The following RALYL variants were observed in gnomAD, a reference collection of about 807,000 sequenced individuals.
RALYL encodes the protein RALY RNA binding protein like, also known as RNA-binding Raly-like protein.
In RALYL, 29 loss-of-function variants were observed where a neutral mutation model predicts 35.1. That is an observed-to-expected ratio of 0.83 (90% confidence interval 0.61 to 1.13). The LOEUF is 1.13. Ranked by LOEUF, RALYL falls within the 50% of genes most tolerant of loss-of-function variation. The pLI is 0.00. For missense variants in RALYL, 359 were observed against 360.4 expected, an observed-to-expected ratio of 1.00 and a Z score of 0.03; for synonymous variants, 120 against 127.6, an observed-to-expected ratio of 0.94 and a Z score of 0.40.
chr8:84,822,961 A>G (rs1376784233), intron 4 of RALYL, among the ~76,000 whole-genome samples: 2 of 152,148 alleles, frequency 1.3e-5, no homozygotes, highest in Non-Finnish European at 2.9e-5. Context: ...ATATTGGTAG[A>G]TGCAAAGCAA....
chr8:84,656,118 TG>T (rs1283640174), intron 2 of RALYL, among the ~76,000 whole-genome samples: 5 of 152,180 alleles, frequency 3.3e-5, no homozygotes, highest in Non-Finnish European at 7.3e-5. Context: ...TGTTTTGTTT[TG>T]TTTTTATATG....
chr8:84,275,417 A>G (rs1355247491), intron 1 of RALYL, among the ~76,000 whole-genome samples: 3 of 151,920 alleles, frequency 2.0e-5, no homozygotes, highest in Admixed American at 1.3e-4. Context: ...CTTTTTTGTT[A>G]CTGCATTTTT....
chr8:84,773,721 T>C (rs1563572185), intron 2 of RALYL, among the ~76,000 whole-genome samples: 2 of 152,184 alleles, frequency 1.3e-5, no homozygotes, highest in African/African-American at 4.8e-5. Flanking sequence ...CTGAGTGCAT[T>C]TTGTTGCTCC....
chr8:84,765,760 A>G (rs1417869446), intron 2 of RALYL, among the ~76,000 whole-genome samples: 1 of 152,108 alleles, frequency 6.6e-6, no homozygotes, highest in African/African-American at 2.4e-5. Flanking sequence ...TGTGAACAGT[A>G]AAAGAGACAG....
chr8:84,502,540 A>G (rs949427434), intron 1 of RALYL, among the ~76,000 whole-genome samples: 1 of 152,130 alleles, frequency 6.6e-6, no homozygotes. Flanking sequence ...AGATAAACCT[A>G]TAAAAAATAG....
chr8:84,756,053 T>G (rs1490514243), intron 2 of RALYL, among the ~76,000 whole-genome samples: 1 of 152,110 alleles, frequency 6.6e-6, no homozygotes, highest in African/African-American at 2.4e-5. Context: ...CAACCTACAT[T>G]TTTTTGAATT....
intron 2 of RALYL, among the ~76,000 whole-genome samples, chr8:84,632,825 T>C (rs1824218053): frequency 6.6e-6 from 1 of 151,988 alleles, no homozygotes; most frequent in African/African-American, 2.4e-5. Flanking sequence ...ATACAGTGTT[T>C]TCATTTCAGC....
intron 1 of RALYL, among the ~76,000 whole-genome samples, chr8:84,272,301 C>T (rs1389365903): frequency 1.3e-5 from 2 of 151,980 alleles, no homozygotes; most frequent in East Asian, 3.9e-4. Context: ...ATCATGTTGG[C>T]CAGGCTGGTC....
At position 84,794,393 on chromosome 8, in the gene RALYL, C is replaced by T. The variant is rs1324730304; in HGVS notation, c.333-10377C>T. ...CAGGCTGCACTCTTGACAGAAGGCA[C>T]AGTTTCTCTGTAGGATTTAACAGCC... On this transcript the variant is annotated intron_variant, in intron 3 of 8. Transcript: ENST00000521268. Among the ~76,000 whole-genome samples the T allele has an allele frequency of 3.9e-5, 6 of 152,170 alleles. No homozygotes were observed. In the East Asian group the frequency reaches 1.2e-3, roughly 29 times the overall value.
intron 1 of RALYL, among the ~76,000 whole-genome samples, chr8:84,311,090 A>AAAAAAAAAAAAAAAAAAAAAATAT (rs1554614840): frequency 1.0e-5 from 1 of 99,720 alleles, no homozygotes; most frequent in African/African-American, 3.6e-5. Context: ...AAAAAAAAAA[A>AAAAAAAAAAAAAAAAAAAAAATAT]ATGTATATTA....
At chr8:84,476,433 A>C (rs1187441521) in intron 1 of RALYL, among the ~76,000 whole-genome samples, 2 of 152,182 alleles carry the variant, frequency 1.3e-5, no homozygotes, top group African/African-American at 4.8e-5. Flanking sequence ...CATGCAAGGT[A>C]AAGTATTTTA....
intron 1 of RALYL, among the ~76,000 whole-genome samples, chr8:84,371,184 G>C (rs552065897): frequency 6.6e-6 from 1 of 151,972 alleles, no homozygotes; most frequent in Non-Finnish European, 1.5e-5. Context: ...ACTCTGTCAA[G>C]ACCTGAGCTA....
intron 2 of RALYL, among the ~76,000 whole-genome samples, chr8:84,713,329 A>G (rs1235705906): frequency 6.6e-6 from 1 of 151,960 alleles, no homozygotes; most frequent in Non-Finnish European, 1.5e-5. Context: ...CTCTTCATGT[A>G]TTTTTAATAT....
intron 1 of RALYL, among the ~76,000 whole-genome samples, chr8:84,469,312 T>C (rs1435293795): frequency 6.6e-6 from 1 of 152,040 alleles, no homozygotes; most frequent in Non-Finnish European, 1.5e-5. Flanking sequence ...GATGTACAGA[T>C]GGGTTTTTGG....
At chr8:84,314,652 A>G (rs1240650366) in intron 1 of RALYL, among the ~76,000 whole-genome samples, 1 of 152,094 alleles carries the variant, frequency 6.6e-6, no homozygotes, top group African/African-American at 2.4e-5. Context: ...CCTGAGCCCT[A>G]GAGTTTGAGG....
chr8:84,445,999 A>G (rs2048811904), intron 1 of RALYL, among the ~76,000 whole-genome samples: 1 of 151,954 alleles, frequency 6.6e-6, no homozygotes, highest in South Asian at 2.1e-4. Flanking sequence ...TCAAATTTAT[A>G]TTGAAAATAT....
At chr8:84,880,781 A>T (rs1842052054) in intron 7 of RALYL, among the ~76,000 whole-genome samples, 1 of 151,888 alleles carries the variant, frequency 6.6e-6, no homozygotes, top group African/African-American at 2.4e-5. Context: ...CCCCCTAAAA[A>T]TCACCTTTTA....
chr8:84,621,184 C>T (rs1484479446), intron 2 of RALYL, among the ~76,000 whole-genome samples: 1 of 152,222 alleles, frequency 6.6e-6, no homozygotes, highest in Non-Finnish European at 1.5e-5. Context: ...TGCCCCTCCC[C>T]CAGCCTTGCT....
At chr8:84,605,445 C>T (rs1276769486) in intron 2 of RALYL, among the ~76,000 whole-genome samples, 1 of 152,126 alleles carries the variant, frequency 6.6e-6, no homozygotes, top group Non-Finnish European at 1.5e-5. Context: ...CCACCACCAG[C>T]AGCAGATTCT....
Sources: gnomAD v4.1 joint callset for allele counts (sites outside exome capture counted in the v4.1 genomes callset) on GRCh38, gnomAD v4.1.1 for gene constraint, MANE v1.5 for transcripts, NCBI Gene and HGNC (gene_info 2026-07-23, HGNC 2026-07-21) for gene names.